STX7: variants seen among roughly 807,000 people sequenced by gnomAD.
STX7 encodes syntaxin-7.
Under a neutral mutation model 39.6 loss-of-function variants are expected in STX7, and 34 were observed. The ratio of observed to expected loss-of-function variants is 0.86; its 90% confidence interval spans 0.65 to 1.14. STX7 has a LOEUF of 1.14. Ranked by LOEUF, STX7 falls within the 50% of genes most tolerant of loss-of-function variation. The pLI is 0.00. For synonymous variants in STX7, 119 were observed against 99.1 expected, an observed-to-expected ratio of 1.20 and a Z score of -1.19; for missense variants, 284 against 310.4, an observed-to-expected ratio of 0.92 and a Z score of 0.64.
intron 1 of STX7, among the ~76,000 whole-genome samples, chr6:132,508,579 C>T (rs781648964): frequency 4.6e-5 from 7 of 152,260 alleles, no homozygotes; most frequent in South Asian, 2.1e-4. Context: ...GGTGTGATTA[C>T]GACTCACTGC....
intron 8 of STX7, among the ~76,000 whole-genome samples, chr6:132,467,594 G>C (rs1260080236): frequency 6.6e-6 from 1 of 152,122 alleles, no homozygotes; most frequent in African/African-American, 2.4e-5. Flanking sequence ...TCTGGACATA[G>C]TAGCCACTCA....
intron 2 of STX7, among the ~76,000 whole-genome samples, chr6:132,483,766 T>A: frequency 6.6e-6 from 1 of 152,140 alleles, no homozygotes; most frequent in East Asian, 1.9e-4. Flanking sequence ...ACACCCCAAT[T>A]GACCATGTTC....
Position 132,451,173 on chromosome 6 carries a change from C to G in STX7, c.*9585G>C, listed in dbSNP as rs1774129042. On this transcript the variant is annotated 3_prime_UTR_variant, in exon 10 of 10. Coordinates refer to ENST00000367941, the MANE Select transcript of STX7 (RefSeq NM_003569.3). The stretch of plus-strand genomic sequence containing the variant: ...AGTACAGTGGTGCGATCTCAGCTCA[C>G]TGTAATCTCCGCCTACGGGTTCAAG... The G allele has an allele frequency of 1.3e-5, 2 of 151,586 alleles. No individual in the cohort carries two copies. Among genetic ancestry groups the G allele is most frequent in the African/African-American group, 4.9e-5 (2 of 41,218 alleles). The allele number at this position is 151,586 out of a possible 1,614,324, so 9.4% of individuals were successfully genotyped here. A position where few individuals can be genotyped will look rare whatever the true frequency, so the allele number is the denominator to read the frequency against.
At chr6:132,490,835 C>T (rs925124533) in intron 2 of STX7, among the ~76,000 whole-genome samples, 1 of 152,142 alleles carries the variant, frequency 6.6e-6, no homozygotes, top group Non-Finnish European at 1.5e-5. Context: ...TGGGGAACAC[C>T]TTGGAAAGAG....
intron 2 of STX7, among the ~76,000 whole-genome samples, chr6:132,497,052 G>C (rs1775436261): frequency 6.6e-6 from 1 of 152,078 alleles, no homozygotes; most frequent in African/African-American, 2.4e-5. Flanking sequence ...CACAAAAGCT[G>C]AACATAAACA....
Position 132,450,714 on chromosome 6 carries a change from T to C in STX7, c.*10044A>G, listed in dbSNP as rs908442978. ...ATGAATAAATCTGAAGATAAAATGA[T>C]AGAAATTACACAGTCTGAACAACAG... On this transcript the variant is annotated 3_prime_UTR_variant, in exon 10 of 10. Coordinates refer to ENST00000367941, the MANE Select transcript of STX7 (RefSeq NM_003569.3). 15 of 152,150 alleles carry C rather than the reference T, an allele frequency of 9.9e-5. No individual in the cohort carries two copies. The highest frequency in any genetic ancestry group is 3.6e-4 in the African/African-American group (15 of 41,508). 9.4% of individuals were successfully genotyped at this position (152,150 alleles called of 1,614,324 possible). A position where few individuals can be genotyped will look rare whatever the true frequency, so the allele number is the denominator to read the frequency against.
At position 132,456,412 on chromosome 6, in the gene STX7, C is replaced by G. The variant is rs974433268; in HGVS notation, c.*4346G>C. On this transcript the variant is annotated 3_prime_UTR_variant, in exon 10 of 10. Coordinates refer to ENST00000367941, the MANE Select transcript of STX7 (RefSeq NM_003569.3). Reference sequence around the variant, plus strand: ...TATGCCAAATAACAAAACATAAACTCCCTGAGGGCAGGAAGCTTATTCTTT... The same window carrying G: ...TATGCCAAATAACAAAACATAAACTGCCTGAGGGCAGGAAGCTTATTCTTT... 1 of 152,188 alleles carries G rather than the reference C, an allele frequency of 6.6e-6. No individual in the cohort carries two copies. Among genetic ancestry groups the G allele is most frequent in the African/African-American group, 2.4e-5 (1 of 41,422 alleles). The allele number at this position is 152,188 out of a possible 1,614,324, so 9.4% of individuals were successfully genotyped here. A position where few individuals can be genotyped will look rare whatever the true frequency, so the allele number is the denominator to read the frequency against.
At position 132,456,693 on chromosome 6, in the gene STX7, T is replaced by C. The variant is rs996791818; in HGVS notation, c.*4065A>G. On this transcript the variant is annotated 3_prime_UTR_variant, in exon 10 of 10. Transcript: ENST00000367941. The stretch of plus-strand genomic sequence containing the variant: ...AATTTTTCCATCAAAGAATCTTTAA[T>C]GAAAGTGAGGAAAATTCTGAGGCTT... 2.6e-5 allele frequency: 4 copies of C among 152,214 alleles called. No homozygotes were observed. Among genetic ancestry groups the C allele is most frequent in the African/African-American group, 9.6e-5 (4 of 41,458 alleles). 9.4% of individuals were successfully genotyped at this position (152,214 alleles called of 1,614,324 possible). A position where few individuals can be genotyped will look rare whatever the true frequency, so the allele number is the denominator to read the frequency against.
intron 2 of STX7, among the ~76,000 whole-genome samples, chr6:132,484,492 T>C (rs900790829): frequency 2.0e-5 from 3 of 152,150 alleles, no homozygotes; most frequent in Non-Finnish European, 2.9e-5. Context: ...GTCTGACAAA[T>C]GAGACTGGCC....
chr6:132,504,635 G>A (rs1406122948), intron 1 of STX7, among the ~76,000 whole-genome samples: 2 of 152,104 alleles, frequency 1.3e-5, no homozygotes, highest in South Asian at 2.1e-4. Context: ...AAGCACCTGG[G>A]AGATGCAAAC....
At chr6:132,493,088 G>A (rs1168488432) in intron 2 of STX7, among the ~76,000 whole-genome samples, 1 of 152,088 alleles carries the variant, frequency 6.6e-6, no homozygotes, top group Non-Finnish European at 1.5e-5. Flanking sequence ...ACTTTATATG[G>A]AATAAAAGGC....
chr6:132,461,500 C>T (rs1220218048), intron 9 of STX7, among the ~76,000 whole-genome samples: 5 of 151,708 alleles, frequency 3.3e-5, no homozygotes, highest in Admixed American at 6.6e-5. Flanking sequence ...TTAGTAGAGA[C>T]GGAGTTTCAC....
At chr6:132,475,776 G>A in intron 2 of STX7, 114 bp from the exon 3 acceptor site, 1 of 514,378 alleles carries the variant, frequency 1.9e-6, no homozygotes, top group Non-Finnish European at 3.2e-6. Flanking sequence ...GAAAAACAAA[G>A]ATGAAAATAG....
At chr6:132,463,031 G>T (rs1189488560) in intron 9 of STX7, among the ~76,000 whole-genome samples, 1 of 152,040 alleles carries the variant, frequency 6.6e-6, no homozygotes, top group Non-Finnish European at 1.5e-5. Context: ...AGACCAGCCT[G>T]GGCAACACAG....
intron 2 of STX7, among the ~76,000 whole-genome samples, chr6:132,497,647 T>C (rs1775449604): frequency 6.6e-6 from 1 of 152,230 alleles, no homozygotes; most frequent in African/African-American, 2.4e-5. Flanking sequence ...TCTCTGTGTG[T>C]TCTCAAGACA....
At position 132,452,537 on chromosome 6, in the gene STX7, G is replaced by A. The variant is rs1478636140; in HGVS notation, c.*8221C>T. ...TAAAATGAGTAAGTGGGCTCAATAA[G>A]GTCTCAGTATACAAAATAGAAAAAT... On this transcript the variant is annotated 3_prime_UTR_variant, in exon 10 of 10. Transcript: ENST00000367941. 1 of 151,852 alleles carries A rather than the reference G, an allele frequency of 6.6e-6. No individual in the cohort carries two copies. The highest frequency in any genetic ancestry group is 1.9e-4 in the East Asian group (1 of 5,194). 9.4% of individuals were successfully genotyped at this position (151,852 alleles called of 1,614,324 possible).
intron 1 of STX7, among the ~76,000 whole-genome samples, chr6:132,510,884 A>T (rs1775831137): frequency 6.6e-6 from 1 of 152,238 alleles, no homozygotes; most frequent in Non-Finnish European, 1.5e-5. Flanking sequence ...TTGAAGTGTC[A>T]AACACTACTC....
At chr6:132,509,424 C>A (rs1204351789) in intron 1 of STX7, among the ~76,000 whole-genome samples, 2 of 144,876 alleles carry the variant, frequency 1.4e-5, no homozygotes, top group Non-Finnish European at 3.0e-5. Flanking sequence ...TGCACTCCAG[C>A]CCGGCGACAG....
At chr6:132,509,516 A>AAATAC (rs1775795504) in intron 1 of STX7, among the ~76,000 whole-genome samples, 1 of 138,704 alleles carries the variant, frequency 7.2e-6, no homozygotes, top group African/African-American at 2.5e-5. Context: ...ACATAACATA[A>AAATAC]AATAAAAAAA....
Sources: gnomAD v4.1 joint callset for allele counts (sites outside exome capture counted in the v4.1 genomes callset) on GRCh38, gnomAD v4.1.1 for gene constraint, MANE v1.5 for transcripts, NCBI Gene and HGNC (gene_info 2026-07-23, HGNC 2026-07-21) for gene names.